The following NEGR1 variants were observed in gnomAD, a reference collection of about 807,000 sequenced individuals.
NEGR1 encodes the protein IgLON family member 4.
In NEGR1, 10 loss-of-function variants were observed where a neutral mutation model predicts 40.9. The ratio of observed to expected loss-of-function variants is 0.24; its 90% CI spans 0.15 to 0.42. The LOEUF (loss-of-function observed/expected upper bound fraction) is 0.42, where lower values mean the gene tolerates loss of function less well. Among genes scored for constraint, NEGR1 ranks in the 10% least tolerant of loss-of-function variants. The pLI is 1.00. For synonymous variants in NEGR1, 185 were observed against 166.8 expected (o/e 1.11, Z -0.84); for missense variants, 352 against 438.9 (o/e 0.80, Z 1.77).
intron 1 of NEGR1, among the ~76,000 whole-genome samples, chr1:72,116,799 T>G (rs936869287): frequency 2.0e-5 from 3 of 151,790 alleles, no homozygotes; most frequent in African/African-American, 4.8e-5. Context: ...TATTTTCATC[T>G]ATTTCTTTAG....
intron 4 of NEGR1, among the ~76,000 whole-genome samples, chr1:71,638,041 C>T (rs1459003696): frequency 6.6e-6 from 1 of 152,004 alleles, no homozygotes; most frequent in African/African-American, 2.4e-5. Context: ...AAGGAATCTT[C>T]CCAAGCTCAC....
intron 6 of NEGR1, among the ~76,000 whole-genome samples, chr1:71,537,889 A>G (rs915967292): frequency 6.6e-6 from 1 of 151,702 alleles, no homozygotes; most frequent in Non-Finnish European, 1.5e-5. Context: ...CTGATGAGCA[A>G]CAGTAAAGGT....
chr1:72,148,761 C>T (rs1330948189), intron 1 of NEGR1, among the ~76,000 whole-genome samples: 1 of 152,128 alleles, frequency 6.6e-6, no homozygotes, highest in Admixed American at 6.6e-5. Context: ...AACATAACAA[C>T]AATCACCTTT....
chr1:72,182,493 A>T (rs1652416790), intron 1 of NEGR1, among the ~76,000 whole-genome samples: 1 of 151,972 alleles, frequency 6.6e-6, no homozygotes, highest in African/African-American at 2.4e-5. Context: ...ACTCTGTCTC[A>T]AAATAAAATA....
At chr1:71,444,787 G>A (rs2101318564) in intron 6 of NEGR1, among the ~76,000 whole-genome samples, 1 of 152,122 alleles carries the variant, frequency 6.6e-6, no homozygotes, top group East Asian at 1.9e-4. Context: ...CCATCAACAA[G>A]CAGTAAGTAG....
intron 1 of NEGR1, among the ~76,000 whole-genome samples, chr1:71,984,419 C>T (rs982096488): frequency 1.3e-5 from 2 of 152,026 alleles, no homozygotes; most frequent in African/African-American, 4.8e-5. Context: ...ACCACTGTGC[C>T]CGGCCTTGAA....
At chr1:71,905,002 A>T (rs891782628) in intron 2 of NEGR1, among the ~76,000 whole-genome samples, 2 of 152,122 alleles carry the variant, frequency 1.3e-5, no homozygotes, top group Non-Finnish European at 2.9e-5. Flanking sequence ...CAGCCATCTT[A>T]ATTCTCTATA....
chr1:71,767,420 T>A (rs555498000), intron 3 of NEGR1, among the ~76,000 whole-genome samples: 2 of 152,230 alleles, frequency 1.3e-5, no homozygotes, highest in African/African-American at 4.8e-5. Flanking sequence ...AACTTGAGAA[T>A]GATGATTTAG....
At chr1:71,634,819 T>A (rs1337672502) in intron 4 of NEGR1, among the ~76,000 whole-genome samples, 1 of 152,112 alleles carries the variant, frequency 6.6e-6, no homozygotes, top group Admixed American at 6.6e-5. Flanking sequence ...GTCTTAGATA[T>A]TATTAACAAG....
intron 3 of NEGR1, among the ~76,000 whole-genome samples, chr1:71,702,330 G>A (rs1046267408): frequency 6.6e-6 from 1 of 151,992 alleles, no homozygotes; most frequent in Admixed American, 6.6e-5. Flanking sequence ...TTTCAATAAA[G>A]TATGATAACT....
intron 1 of NEGR1, among the ~76,000 whole-genome samples, chr1:71,943,173 T>G (rs901839070): frequency 1.3e-5 from 2 of 148,528 alleles, no homozygotes; most frequent in East Asian, 4.0e-4. Flanking sequence ...ACTATACATA[T>G]ATGTATATTT....
At position 71,705,002 on chromosome 1, in the gene NEGR1, T is replaced by C. The variant is rs149443077; in HGVS notation, c.536-6863A>G. Among the ~76,000 whole-genome samples the C allele has an allele frequency of 5.0e-3, 758 of 151,988 alleles. 11 individuals are homozygous for C. Among genetic ancestry groups the C allele is most frequent in the Non-Finnish European group, 4.2e-3 (288 of 67,880 alleles). On this transcript the variant is annotated intron_variant, in intron 3 of 6. Coordinates refer to ENST00000357731, the MANE Select transcript of NEGR1 (RefSeq NM_173808.3). ...ATATGAATCACTACATTAACAACAA[T>C]AACAATATATGGGTATATTAACATG...
intron 3 of NEGR1, among the ~76,000 whole-genome samples, chr1:71,705,584 G>A (rs986277091): frequency 2.6e-5 from 4 of 152,162 alleles, no homozygotes; most frequent in Non-Finnish European, 2.9e-5. Context: ...GCCTGGCGTG[G>A]TGGTGGGCGC....
rs138333532 is a variant in NEGR1, at chr1:72,244,036, G to A, written c.176+38283C>T. Among the ~76,000 whole-genome samples, 537 of 151,814 alleles carry A rather than the reference G, an allele frequency of 3.5e-3. 4 individuals are homozygous for A. Among genetic ancestry groups the A allele is most frequent in the African/African-American group, 0.012 (517 of 41,522 alleles). On this transcript the variant is annotated intron_variant, in intron 1 of 6. Transcript: ENST00000357731. ...TCTTAATCTGATTTTCTAGTACACCGTATTTAGTTCCTGATCCACAGTTAA... is the reference window on the plus strand; with the variant it reads ...TCTTAATCTGATTTTCTAGTACACCATATTTAGTTCCTGATCCACAGTTAA...
chr1:71,512,079 A>G (rs1427839596), intron 6 of NEGR1, among the ~76,000 whole-genome samples: 1 of 152,220 alleles, frequency 6.6e-6, no homozygotes, highest in African/African-American at 2.4e-5. Flanking sequence ...TTGTTTAATT[A>G]AAGTACTATG....
chr1:72,262,135 C>T (rs181672648), intron 1 of NEGR1, among the ~76,000 whole-genome samples: 1 of 152,062 alleles, frequency 6.6e-6, no homozygotes, highest in Admixed American at 6.6e-5. Flanking sequence ...AACTGGGTGG[C>T]AGGGCCTGCT....
At chr1:72,264,132 T>C (rs1276310828) in intron 1 of NEGR1, among the ~76,000 whole-genome samples, 2 of 151,444 alleles carry the variant, frequency 1.3e-5, no homozygotes, top group South Asian at 2.1e-4. Flanking sequence ...CTGAGTAGTT[T>C]ATATCTGTGT....
At chr1:71,547,916 C>T (rs1181969661) in intron 6 of NEGR1, among the ~76,000 whole-genome samples, 2 of 151,702 alleles carry the variant, frequency 1.3e-5, no homozygotes, top group African/African-American at 2.4e-5. Flanking sequence ...GTGCTTCACC[C>T]ACTGCCCACC....
At chr1:72,063,103 A>G (rs1291867038) in intron 1 of NEGR1, among the ~76,000 whole-genome samples, 1 of 151,986 alleles carries the variant, frequency 6.6e-6, no homozygotes, top group Non-Finnish European at 1.5e-5. Flanking sequence ...AAATCTGTTC[A>G]GTCCCAGTTT....
Sources: gnomAD v4.1 joint callset for allele counts (sites outside exome capture counted in the v4.1 genomes callset) on GRCh38, gnomAD v4.1.1 for gene constraint, MANE v1.5 for transcripts, NCBI Gene and HGNC (gene_info 2026-07-23, HGNC 2026-07-21) for gene names.